The following WIPF1 variants were observed in gnomAD, a reference collection of about 807,000 sequenced individuals.
WIPF1 encodes WAS/WASL interacting protein family member 1.
WIPF1 carries 13 observed loss-of-function variants against 35.4 expected under a neutral mutation model. The observed-to-expected ratio is 0.37, with a 90% CI of 0.24 to 0.58. The LOEUF is 0.58. Ranked by LOEUF, WIPF1 falls within the 20% of genes least tolerant of loss-of-function variation. The probability of loss-of-function intolerance (pLI) is 0.74; values close to 1 mark genes in which losing one functional copy is unlikely to be tolerated. For missense variants in WIPF1, 591 were observed against 667.0 expected, an observed-to-expected ratio of 0.89 and a Z score of 1.25; for synonymous variants, 267 against 266.3, an observed-to-expected ratio of 1.00 and a Z score of -0.02.
chr2:174,637,252 T>C (rs771819194), intron 1 of WIPF1, among the ~76,000 whole-genome samples: 3 of 152,144 alleles, frequency 2.0e-5, no homozygotes, highest in African/African-American at 4.8e-5. Flanking sequence ...TCTTTTTTGT[T>C]TTTAAGTACT....
At chr2:174,623,826 C>G (rs1348836860) in intron 1 of WIPF1, among the ~76,000 whole-genome samples, 2 of 152,136 alleles carry the variant, frequency 1.3e-5, no homozygotes, top group Non-Finnish European at 2.9e-5. Context: ...TGAATATGCA[C>G]TGGATTTAAT....
chr2:174,579,875 G>A (rs1342513048), intron 3 of WIPF1, among the ~76,000 whole-genome samples: 1 of 152,094 alleles, frequency 6.6e-6, no homozygotes. Flanking sequence ...GGGATTAGAG[G>A]GAATATATTA....
chr2:174,680,704 C>A (rs978835323), intron 1 of WIPF1, among the ~76,000 whole-genome samples: 1 of 152,186 alleles, frequency 6.6e-6, no homozygotes, highest in African/African-American at 2.4e-5. Flanking sequence ...ACCATAGCAC[C>A]TGAGACAGTA....
intron 4 of WIPF1, among the ~76,000 whole-genome samples, chr2:174,572,971 G>A (rs1157960238): frequency 2.6e-5 from 4 of 152,136 alleles, no homozygotes; most frequent in Non-Finnish European, 4.4e-5. Flanking sequence ...GTGGAAAACT[G>A]TAAGGGGAAA....
At chr2:174,564,175 G>C (rs1482985652) in intron 7 of WIPF1, among the ~76,000 whole-genome samples, 1 of 152,212 alleles carries the variant, frequency 6.6e-6, no homozygotes, top group African/African-American at 2.4e-5. Context: ...CTGCAGAGCA[G>C]AGGAAAACTT....
rs770409036 is a variant in WIPF1 at position 174,571,822 on chromosome 2, T to C, written c.983A>G (p.Asn328Ser). The C allele has an allele frequency of 2.4e-5, 38 of 1,614,076 alleles. No individual in the cohort carries two copies. The highest frequency in any genetic ancestry group is 3.3e-5 in the South Asian group (3 of 91,084). Residue 328 changes from asparagine to serine, a missense_variant, in exon 5 of 8, where the codon AAT (asparagine) becomes AGT (serine). By Grantham distance (46) the Asn-to-Ser change is conservative (BLOSUM62 1). This residue lies in a region of WIPF1 where 471 missense variants were observed against 501.1 expected (regional missense o/e 0.94). Coordinates refer to ENST00000679041, the MANE Select transcript of WIPF1 (RefSeq NM_001375834.1). This position sits in a 1 kb window ranked among gnomAD's most constrained non-coding sequence, Gnocchi z 4.6. ...CTGTGGGAGTCTTGGGGTTTCGTCA[T>C]TGCCGCTGGAACTTGGAGGCAGAGG... is the stretch of plus-strand genomic sequence containing the variant. ...PPPLPPSSSG[N>S]DETPRLPQRN...
intron 1 of WIPF1, among the ~76,000 whole-genome samples, chr2:174,604,928 T>A (rs1034046450): frequency 1.3e-5 from 2 of 152,240 alleles, no homozygotes; most frequent in African/African-American, 4.8e-5. Flanking sequence ...GTTCCCTGGC[T>A]GCAGTGACTG....
chr2:174,666,182 A>T (rs1687886800), intron 1 of WIPF1, among the ~76,000 whole-genome samples: 1 of 152,200 alleles, frequency 6.6e-6, no homozygotes, highest in Non-Finnish European at 1.5e-5. Flanking sequence ...TGGGAAGCTG[A>T]GGCAGGAGGA....
chr2:174,651,701 A>C (rs1034088555), intron 1 of WIPF1, among the ~76,000 whole-genome samples: 1 of 152,216 alleles, frequency 6.6e-6, no homozygotes, highest in Non-Finnish European at 1.5e-5. Context: ...AGACAACTTT[A>C]TTGGATGAGT....
chr2:174,581,508 G>C, intron 2 of WIPF1, 69 bp from the exon 3 acceptor site: 1 of 1,573,246 alleles, frequency 6.4e-7, no homozygotes, highest in Non-Finnish European at 8.6e-7. Context: ...CACTCGGCTG[G>C]GAAAGGTTGG....
intron 4 of WIPF1, 26 bp from the exon 5 acceptor site, chr2:174,572,472 G>C (rs1230298673): frequency 1.2e-6 from 2 of 1,613,762 alleles, no homozygotes; most frequent in Non-Finnish European, 8.5e-7. Flanking sequence ...ACAAACATCA[G>C]TTAGGAAATC....
chr2:174,571,915 G>C lies in WIPF1; in HGVS notation c.890C>G (p.Thr297Ser). 6.2e-7 allele frequency: 1 copy of C among 1,609,124 alleles called. No homozygotes were observed. Among genetic ancestry groups the C allele is most frequent in the Non-Finnish European group, 8.5e-7 (1 of 1,177,498 alleles). ...PQNNKPPVPS[T>S]PRPSASSQAP... is the part of the protein sequence containing the mutation. ...CTGTGAGGAGGCCGAAGGCCGCGGA[G>C]TGGAAGGCACTGGAGGCTTGTTGTT... is the stretch of plus-strand genomic sequence containing the variant. The change falls in exon 5 of 8, where the codon ACT (threonine) becomes AGT (serine). Residue 297 changes from threonine to serine, a missense_variant. Thr to Ser is a moderately conservative substitution (Grantham distance 58, BLOSUM62 1). Around this residue, in one of 3 missense-constraint regions of WIPF1, gnomAD observed 471 missense variants for 501.1 expected, o/e 0.94. Coordinates refer to ENST00000679041, the MANE Select transcript of WIPF1 (RefSeq NM_001375834.1). The surrounding 1 kb of genome is among the most constrained non-coding windows in gnomAD (Gnocchi z 4.6).
chr2:174,582,371 T>C (rs1685268812), intron 2 of WIPF1, among the ~76,000 whole-genome samples: 1 of 152,172 alleles, frequency 6.6e-6, no homozygotes, highest in Non-Finnish European at 1.5e-5. Flanking sequence ...TCTATCACAC[T>C]TGGAAACTGG....
rs1297192506 is a variant in WIPF1, at chr2:174,649,418, C to T, written c.-39+33356G>A. On this transcript the variant is annotated intron_variant, in intron 1 of 8. Coordinates refer to the WIPF1 transcript ENST00000272746. ...TGCAAACTAATCAATCCAGAGTCAG[C>T]TCTCCCCTATCTGGCCCATATACCC... 2.0e-5 allele frequency among the ~76,000 whole-genome samples: 3 copies of T among 152,134 alleles called. No homozygotes were observed. The East Asian group carries it at 5.8e-4, about 29-fold the overall frequency.
chr2:174,565,115 G>GA (rs1466594560), intron 7 of WIPF1, among the ~76,000 whole-genome samples: 1 of 151,852 alleles, frequency 6.6e-6, no homozygotes, highest in Non-Finnish European at 1.5e-5. Flanking sequence ...GGCTAGTCTC[G>GA]AACTCCTGAC....
At chr2:174,661,397 A>G (rs1305104965) in intron 1 of WIPF1, among the ~76,000 whole-genome samples, 1 of 151,788 alleles carries the variant, frequency 6.6e-6, no homozygotes, top group African/African-American at 2.4e-5. Flanking sequence ...CTCTCCCCAC[A>G]GCCACACTCC....
In WIPF1 at chr2:174,575,400, C is replaced by T. The variant is rs1023523179; in HGVS notation, c.182-20G>A. On this transcript the variant is annotated intron_variant, in intron 3 of 7. Transcript: ENST00000679041. Reference sequence around the variant, plus strand: ...TAGGTTCTGTAGAAGAAGAGACACCCGACAGACTATGCCCCCTGGTCTGGC... The same window carrying T: ...TAGGTTCTGTAGAAGAAGAGACACCTGACAGACTATGCCCCCTGGTCTGGC... 6.9e-6 allele frequency: 11 copies of T among 1,592,420 alleles called. No individual in the cohort carries two copies. Among genetic ancestry groups the T allele is most frequent in the South Asian group, 1.1e-5 (1 of 88,580 alleles).
chr2:174,658,464 A>C (rs1363157845), intron 1 of WIPF1, among the ~76,000 whole-genome samples: 1 of 152,200 alleles, frequency 6.6e-6, no homozygotes, highest in Non-Finnish European at 1.5e-5. Flanking sequence ...TCAGCAGGGC[A>C]AGGTGAGAAA....
At chr2:174,602,803 A>G (rs1686049492), upstream of WIPF1, among the ~76,000 whole-genome samples, 1 of 152,206 alleles carries the variant, frequency 6.6e-6, no homozygotes, top group African/African-American at 2.4e-5. Flanking sequence ...AAAAGTCTGC[A>G]GTGTATTCTG....
Sources: gnomAD v4.1 joint callset for allele counts (sites outside exome capture counted in the v4.1 genomes callset) on GRCh38, gnomAD v4.1.1 for gene constraint, gnomAD v4.1.1 regional missense constraint, Gnocchi (gnomAD v3.1) non-coding constraint, MANE v1.5 for transcripts, NCBI Gene and HGNC (gene_info 2026-07-23, HGNC 2026-07-21) for gene names.